DNAH14: variants seen among roughly 807,000 people sequenced by gnomAD.
DNAH14 encodes the protein axonemal beta dynein heavy chain 14.
A neutral mutation model predicts 520.9 loss-of-function variants in DNAH14; 478 were observed. The ratio of observed to expected loss-of-function variants is 0.92; its 90% confidence interval spans 0.85 to 0.99. DNAH14 has a LOEUF of 0.99. DNAH14 is among the 50% of genes least tolerant of loss of function. The pLI is 0.00. For missense variants in DNAH14, 4,831 were observed against 5,234.5 expected (o/e 0.92, Z 2.38); for synonymous variants, 1,581 against 1,757.2 (o/e 0.90, Z 2.51).
intron 10 of DNAH14, among the ~76,000 whole-genome samples, chr1:225,018,065 T>G (rs1572494749): frequency 6.6e-6 from 1 of 152,182 alleles, no homozygotes; most frequent in East Asian, 1.9e-4. Flanking sequence ...CTTAACCACG[T>G]TGAAATTGCT....
rs769795872 is a variant in DNAH14, at chr1:225,324,285, G to C, written c.9559G>C (p.Val3187Leu). Residue 3187 changes from valine (V) to leucine (L), a missense_variant, in exon 63 of 86, where the codon GTT (valine) becomes CTT (leucine). Transcript: ENST00000682510. ...PDFNPHKISLVSVACCSLCQW... is the reference protein window; with the variant it reads ...PDFNPHKISLLSVACCSLCQW... ...TTTCAACCCACACAAGATTTCGCTGGTTTCTGTTGCTTGTTGCTCCCTGTG... is the reference window on the plus strand; with the variant it reads ...TTTCAACCCACACAAGATTTCGCTGCTTTCTGTTGCTTGTTGCTCCCTGTG... 1.9e-6 allele frequency: 3 copies of C among 1,551,670 alleles called. No individual in the cohort carries two copies. Among genetic ancestry groups the C allele is most frequent in the Non-Finnish European group, 2.6e-6 (3 of 1,147,020 alleles).
At chr1:225,202,997 G>C (rs1167721275) in intron 38 of DNAH14, among the ~76,000 whole-genome samples, 1 of 152,162 alleles carries the variant, frequency 6.6e-6, no homozygotes, top group Non-Finnish European at 1.5e-5. Context: ...TGTGTGTTTG[G>C]GGGTGGATGA....
chr1:225,173,813 A>G (rs1254581896), intron 36 of DNAH14, among the ~76,000 whole-genome samples: 5 of 152,246 alleles, frequency 3.3e-5, no homozygotes, highest in African/African-American at 9.6e-5. Flanking sequence ...ATGCACATAT[A>G]TGTTAATTGT....
At position 225,399,199 on chromosome 1, in the gene DNAH14, C is replaced by A. The variant is rs114514795; in HGVS notation, c.13784C>A (p.Ser4595Ter). Residue 4595 changes from serine to a stop codon, truncating the protein, a stop_gained, in exon 86 of 86, where the codon TCA becomes TAA. Transcript: ENST00000682510. LOFTEE classifies it high-confidence loss of function. ...PTNFLTSVYL[S>*]TKKPPSHWIT... The stretch of plus-strand genomic sequence containing the variant: ...AACTTTTTAACATCAGTGTATTTAT[C>A]AACGAAGAAACCTCCTAGTCACTGG... 8.8e-4 allele frequency: 1,372 copies of A among 1,551,678 alleles called. 16 individuals are homozygous for A. The African/African-American group carries it at 0.015, about 17-fold the overall frequency.
chr1:224,934,555 A>G (rs895928028), intron 1 of DNAH14, among the ~76,000 whole-genome samples: 2 of 151,908 alleles, frequency 1.3e-5, no homozygotes, highest in East Asian at 1.9e-4. Flanking sequence ...AAAAAGTGAC[A>G]AAAGTTATGA....
intron 66 of DNAH14, among the ~76,000 whole-genome samples, chr1:225,336,345 A>C (rs1401254149): frequency 1.3e-5 from 2 of 152,080 alleles, no homozygotes; most frequent in Non-Finnish European, 2.9e-5. Flanking sequence ...GACAAAATAG[A>C]TGTTAAGGCA....
rs2079757861 is a variant in DNAH14, at chr1:225,144,645, T to G, written c.4740+17T>G. On this transcript the variant is annotated intron_variant, in intron 29 of 85. Transcript: ENST00000682510. ...CTAGCAAAAGTAAGTGGTTTCTGTA[T>G]CCAGAATAAAAACTTTTTTCTTTTT... 1 of 1,528,126 alleles carries G rather than the reference T, an allele frequency of 6.5e-7. No homozygotes were observed. Among genetic ancestry groups the G allele is most frequent in the Non-Finnish European group, 8.8e-7 (1 of 1,134,054 alleles). 94.7% of individuals were successfully genotyped at this position (1,528,126 alleles called of 1,614,324 possible). A position where few individuals can be genotyped will look rare whatever the true frequency, so the allele number is the denominator to read the frequency against.
chr1:225,005,971 A>T (rs1309621437), intron 9 of DNAH14, among the ~76,000 whole-genome samples: 2 of 152,174 alleles, frequency 1.3e-5, no homozygotes, highest in African/African-American at 4.8e-5. Flanking sequence ...TGTTGTGGGA[A>T]GTTGGGGACC....
intron 22 of DNAH14, among the ~76,000 whole-genome samples, chr1:225,097,929 T>A (rs2075131347): frequency 1.3e-5 from 2 of 152,228 alleles, no homozygotes; most frequent in Admixed American, 6.5e-5. Context: ...CTGAGTGTGG[T>A]GGCTTATGCC....
intron 83 of DNAH14, among the ~76,000 whole-genome samples, chr1:225,391,683 G>A (rs2095915582): frequency 6.6e-6 from 1 of 152,100 alleles, no homozygotes. Context: ...CTGGGTGGCT[G>A]CTGGCGTCAT....
In DNAH14 at chr1:225,364,864, T is replaced by G. The variant is rs752480288; in HGVS notation, c.12060T>G (p.Phe4020Leu). The change falls in exon 76 of 86, where the codon TTT (phenylalanine) becomes TTG (leucine). Residue 4020 changes from phenylalanine to leucine, a missense_variant. Phe to Leu is a conservative substitution (Grantham distance 22). Transcript: ENST00000682510. ...LWLSSKSYSS[F>L]PIPVLKKGLK... The stretch of plus-strand genomic sequence containing the variant: ...TAAGCTCAAAATCATACAGTTCTTT[T>G]CCAATTCCTGTTCTTAAAAAGGGTT... The G allele has an allele frequency of 9.7e-6, 15 of 1,548,256 alleles. 1 individual carries two copies. The South Asian group carries it at 1.8e-4, about 18-fold the overall frequency.
intron 4 of DNAH14, among the ~76,000 whole-genome samples, chr1:224,960,684 A>G (rs1359943141): frequency 6.6e-6 from 1 of 152,120 alleles, no homozygotes; most frequent in Admixed American, 6.6e-5. Context: ...GTTTATTTAA[A>G]TAGATTTTCT....
At chr1:225,348,269 C>G (rs538027644) in intron 71 of DNAH14, among the ~76,000 whole-genome samples, 1 of 151,332 alleles carries the variant, frequency 6.6e-6, no homozygotes, top group African/African-American at 2.4e-5. Context: ...TATGGCACTC[C>G]CAGAAGAAGA....
At chr1:225,369,840 C>G (rs2095597343) in intron 77 of DNAH14, among the ~76,000 whole-genome samples, 1 of 151,998 alleles carries the variant, frequency 6.6e-6, no homozygotes, top group Non-Finnish European at 1.5e-5. Context: ...ATCTAAACAA[C>G]TTGGATATTA....
chr1:225,125,695 T>G (rs1299779303), intron 27 of DNAH14, among the ~76,000 whole-genome samples: 2 of 152,242 alleles, frequency 1.3e-5, no homozygotes, highest in Non-Finnish European at 2.9e-5. Flanking sequence ...AAGGCTGTTT[T>G]GCTTTCTTAC....
chr1:224,952,764 C>T lies in DNAH14; in HGVS notation c.62C>T (p.Thr21Ile), dbSNP rs570666767. 5.0e-6 allele frequency: 8 copies of T among 1,597,876 alleles called. No homozygotes were observed. Among genetic ancestry groups the T allele is most frequent in the South Asian group, 1.1e-5 (1 of 88,336 alleles). ...TENQEMDKEE[T>I]KTKPRLLRYE... ...AATCAAGAGATGGACAAGGAGGAAA[C>T]CAAGACAAAACCAAGGTAAAAGTAA... The change falls in exon 2 of 86, where the codon ACC becomes ATC. Residue 21 changes from threonine (T) to isoleucine (I), a missense_variant. Transcript: ENST00000682510.
At chr1:225,286,117 TAG>T (rs1404608852) in intron 54 of DNAH14, among the ~76,000 whole-genome samples, 2 of 151,646 alleles carry the variant, frequency 1.3e-5, no homozygotes, top group Non-Finnish European at 2.9e-5. Flanking sequence ...CTCACAGAAG[TAG>T]AGAGTAGAAT....
At chr1:224,974,603 T>G (rs1318084915) in intron 8 of DNAH14, among the ~76,000 whole-genome samples, 2 of 152,190 alleles carry the variant, frequency 1.3e-5, no homozygotes, top group Admixed American at 1.3e-4. Context: ...TCCCAAATGT[T>G]GCAAAACTAC....
intron 1 of DNAH14, among the ~76,000 whole-genome samples, chr1:224,943,824 C>A (rs1275048361): frequency 6.6e-6 from 1 of 152,098 alleles, no homozygotes; most frequent in Admixed American, 6.5e-5. Context: ...TTTCTTAATC[C>A]TGAGTTCTAG....
Sources: gnomAD v4.1 joint callset for allele counts (sites outside exome capture counted in the v4.1 genomes callset) on GRCh38, gnomAD v4.1.1 for gene constraint, MANE v1.5 for transcripts, NCBI Gene and HGNC (gene_info 2026-07-23, HGNC 2026-07-21) for gene names.